Variants in SEMA3E observed in about 807,000 individuals in gnomAD.
The protein encoded by SEMA3E is semaphorin-3E.
SEMA3E carries 49 observed loss-of-function variants against 93.6 expected under a neutral mutation model. The ratio of observed to expected loss-of-function variants is 0.52; its 90% CI spans 0.42 to 0.66. The LOEUF (loss-of-function observed/expected upper bound fraction) is 0.66. Ranked by LOEUF, SEMA3E falls within the 30% of genes least tolerant of loss-of-function variation. SEMA3E has a pLI of 0.00. For synonymous variants in SEMA3E, 363 were observed against 330.7 expected, an observed-to-expected ratio of 1.10 and a Z score of -1.06; for missense variants, 906 against 964.8, an observed-to-expected ratio of 0.94 and a Z score of 0.81.
intron 4 of SEMA3E, among the ~76,000 whole-genome samples, chr7:83,463,243 A>T (rs893530909): frequency 2.6e-5 from 4 of 151,756 alleles, no homozygotes; most frequent in African/African-American, 9.7e-5. Flanking sequence ...CCAGGACCAC[A>T]CCCTGTAGCC....
chr7:83,601,394 C>T (rs1289014250), intron 1 of SEMA3E, among the ~76,000 whole-genome samples: 6 of 151,714 alleles, frequency 4.0e-5, no homozygotes, highest in Non-Finnish European at 8.8e-5. Flanking sequence ...CACATTTTGC[C>T]ATTTATTTGC....
chr7:83,436,549 A>G (rs764666813), intron 4 of SEMA3E, among the ~76,000 whole-genome samples: 13 of 152,012 alleles, frequency 8.6e-5, no homozygotes, highest in Non-Finnish European at 1.9e-4. Context: ...TTCTGTGACT[A>G]TTATGAGAAT....
intron 1 of SEMA3E, among the ~76,000 whole-genome samples, chr7:83,625,010 G>A (rs1041229528): frequency 6.6e-6 from 1 of 152,052 alleles, no homozygotes; most frequent in African/African-American, 2.4e-5. Flanking sequence ...GTTTTTGTCA[G>A]GTTTGTCAAA....
chr7:83,560,469 A>T (rs1470520693), intron 1 of SEMA3E, among the ~76,000 whole-genome samples: 1 of 152,064 alleles, frequency 6.6e-6, no homozygotes, highest in African/African-American at 2.4e-5. Context: ...GATAATGCTA[A>T]TTATTCTTAT....
At chr7:83,627,368 T>C (rs1793689969) in intron 1 of SEMA3E, among the ~76,000 whole-genome samples, 1 of 152,182 alleles carries the variant, frequency 6.6e-6, no homozygotes. Flanking sequence ...AAGAACTTGC[T>C]TTAAGAATCT....
At chr7:83,521,856 C>T (rs1038550496) in intron 1 of SEMA3E, among the ~76,000 whole-genome samples, 7 of 152,046 alleles carry the variant, frequency 4.6e-5, no homozygotes, top group Non-Finnish European at 1.0e-4. Context: ...AATATAGTGG[C>T]TTCAGGGGTT....
intron 1 of SEMA3E, chr7:83,616,814 T>G: frequency 5.0e-6 from 2 of 396,222 alleles, no homozygotes; most frequent in South Asian, 1.8e-5. Flanking sequence ...AACCTCCACC[T>G]CCCGAGTTCA....
intron 9 of SEMA3E, among the ~76,000 whole-genome samples, chr7:83,403,564 A>G (rs557816131): frequency 6.6e-6 from 1 of 152,134 alleles, no homozygotes; most frequent in East Asian, 1.9e-4. Context: ...TTCTTGCCAT[A>G]TTCCTTAATT....
At chr7:83,477,480 C>A (rs536109869) in intron 2 of SEMA3E, among the ~76,000 whole-genome samples, 2 of 152,050 alleles carry the variant, frequency 1.3e-5, no homozygotes, top group Admixed American at 1.3e-4. Flanking sequence ...TTTAACCTGA[C>A]ACACATTATC....
At chr7:83,554,558 A>G (rs975866342) in intron 1 of SEMA3E, among the ~76,000 whole-genome samples, 3 of 152,178 alleles carry the variant, frequency 2.0e-5, no homozygotes, top group African/African-American at 7.2e-5. Context: ...CCCAGTGTAC[A>G]AAAGAGTATG....
intron 1 of SEMA3E, among the ~76,000 whole-genome samples, chr7:83,579,117 A>G (rs1435923187): frequency 6.6e-6 from 1 of 152,150 alleles, no homozygotes; most frequent in Non-Finnish European, 1.5e-5. Context: ...TTGCAGATAC[A>G]TGTTGAATTG....
intron 1 of SEMA3E, among the ~76,000 whole-genome samples, chr7:83,544,786 G>C (rs1178759861): frequency 6.6e-6 from 1 of 151,800 alleles, no homozygotes; most frequent in Non-Finnish European, 1.5e-5. Context: ...TTAGGCTGTA[G>C]TTTCATATTG....
At chr7:83,419,791 C>G (rs1788637287) in intron 4 of SEMA3E, among the ~76,000 whole-genome samples, 1 of 151,494 alleles carries the variant, frequency 6.6e-6, no homozygotes, top group Non-Finnish European at 1.5e-5. Context: ...GATTAAAACT[C>G]TCAACAAACT....
chr7:83,536,935 G>C (rs1214362436), intron 1 of SEMA3E, among the ~76,000 whole-genome samples: 2 of 151,990 alleles, frequency 1.3e-5, no homozygotes, highest in Non-Finnish European at 2.9e-5. Flanking sequence ...TTGGAGAAAG[G>C]GCTTTTAGAA....
At chr7:83,466,430 A>G in intron 4 of SEMA3E, 52 bp downstream of exon 4, 1 of 1,601,616 alleles carries the variant, frequency 6.2e-7, no homozygotes, top group Non-Finnish European at 8.5e-7. Flanking sequence ...CTTTGAGAAC[A>G]AGGTTGTTTT....
At chr7:83,436,411 A>G (rs1789006678) in intron 4 of SEMA3E, among the ~76,000 whole-genome samples, 1 of 151,584 alleles carries the variant, frequency 6.6e-6, no homozygotes, top group South Asian at 2.1e-4. Context: ...GGCAGATAAG[A>G]AAGATGAAGT....
Position 83,394,307 on chromosome 7 carries a change from G to T in SEMA3E, c.1490C>A (p.Ser497Tyr), listed in dbSNP as rs749605847. ...DPVPIISMEI[S>Y]SKRQQLYIGS... is the part of the protein sequence containing the mutation. The stretch of plus-strand genomic sequence containing the variant: ...ACACACAGAACTTACCCGCTTTGAA[G>T]AAATCTCCATAGAAATAATAGGAAC... Residue 497 changes from serine (S) to tyrosine (Y), a missense_variant, in exon 13 of 17, where the codon TCT (serine) becomes TAT (tyrosine). Coordinates refer to ENST00000643230, the MANE Select transcript of SEMA3E (RefSeq NM_012431.3). 1 of 1,612,968 alleles carries T rather than the reference G, an allele frequency of 6.2e-7. No homozygotes were observed.
chr7:83,475,725 A>G (rs1789996067), intron 2 of SEMA3E, among the ~76,000 whole-genome samples: 1 of 152,196 alleles, frequency 6.6e-6, no homozygotes. Flanking sequence ...TGTAACTGTG[A>G]CAGGCTAACC....
At chr7:83,391,174 A>C (rs1788010920) in intron 14 of SEMA3E, among the ~76,000 whole-genome samples, 2 of 152,086 alleles carry the variant, frequency 1.3e-5, no homozygotes, top group African/African-American at 2.4e-5. Flanking sequence ...CTTTGACTGG[A>C]ATTTTCTTAT....
Sources: gnomAD v4.1 joint callset for allele counts (sites outside exome capture counted in the v4.1 genomes callset) on GRCh38, gnomAD v4.1.1 for gene constraint, MANE v1.5 for transcripts, NCBI Gene and HGNC (gene_info 2026-07-23, HGNC 2026-07-21) for gene names.